The following MAOA variants were observed in gnomAD, a reference collection of about 807,000 sequenced individuals.
MAOA encodes the protein monoamine oxidase A.
Under a neutral mutation model 42.0 loss-of-function variants are expected in MAOA, and 6 were observed. The ratio of observed to expected loss-of-function variants is 0.14; its 90% confidence interval spans 0.08 to 0.28. MAOA has a LOEUF of 0.28. Among genes scored for constraint, MAOA ranks in the 10% least tolerant of loss-of-function variants. The pLI is 1.00. For missense variants in MAOA, 262 were observed against 422.3 expected, an observed-to-expected ratio of 0.62 and a Z score of 3.33; for synonymous variants, 140 against 154.0, an observed-to-expected ratio of 0.91 and a Z score of 0.67.
chrX:43,677,506 T>G (rs2033408368), intron 1 of MAOA, among the ~76,000 whole-genome samples: 2 of 111,656 alleles, frequency 1.8e-5, no homozygotes, highest in Non-Finnish European at 3.8e-5. Flanking sequence ...ACTAGCTTTT[T>G]TTTTTTAACC....
At chrX:43,713,510 G>C (rs903296916) in intron 5 of MAOA, among the ~76,000 whole-genome samples, 3 of 111,775 alleles carry the variant, frequency 2.7e-5, no homozygotes, top group Non-Finnish European at 5.6e-5. Flanking sequence ...TATAGATGTG[G>C]AATACTAGGA....
chrX:43,722,096 G>A (rs1461865570), intron 5 of MAOA, among the ~76,000 whole-genome samples: 1 of 111,683 alleles, frequency 9.0e-6, no homozygotes, highest in Admixed American at 9.5e-5. Flanking sequence ...ATTATTGATG[G>A]GCATTTGGGT....
At chrX:43,693,267 T>C (rs766032364) in intron 2 of MAOA, 24 bp from the exon 3 acceptor site, 1 of 1,207,774 alleles carries the variant, frequency 8.3e-7, no homozygotes, top group Admixed American at 2.2e-5. Flanking sequence ...TAAAGTCCTC[T>C]GACCAATTTT....
Position 43,728,224 on chromosome X carries a change from G to T in MAOA, c.555G>T (p.Glu185Asp). ...TTGTGAATATCAATGTGACCTCTGA[G>T]CCTCACGAAGTGTCTGCCCTGTGGT... ...YLFVNINVTS[E>D]PHEVSALWFL... Residue 185 changes from glutamate to aspartate, a missense_variant, in exon 6 of 15, where the codon GAG (glutamate) becomes GAT (aspartate). Glu to Asp is a conservative substitution (Grantham distance 45, BLOSUM62 2). Transcript: ENST00000338702. 8.3e-7 allele frequency: 1 copy of T among 1,210,039 alleles called. No homozygotes were observed. Among genetic ancestry groups the T allele is most frequent in the African/African-American group, 1.7e-5 (1 of 57,733 alleles).
intron 1 of MAOA, among the ~76,000 whole-genome samples, chrX:43,656,706 TCAAC>T (rs2033182754): frequency 3.6e-5 from 4 of 111,367 alleles, no homozygotes; most frequent in African/African-American, 6.5e-5. Context: ...TTCTCAGTCC[TCAAC>T]AGTCCTGTGA....
intron 5 of MAOA, among the ~76,000 whole-genome samples, chrX:43,714,586 T>C (rs1239101813): frequency 9.2e-6 from 1 of 109,116 alleles, no homozygotes; most frequent in Non-Finnish European, 1.9e-5. Context: ...TACCAGGATA[T>C]GTCTTCCAGA....
Position 43,732,791 on chromosome X carries a change from A to T in MAOA, c.1048A>T (p.Met350Leu). The change falls in exon 9 of 15, where the codon ATG becomes TTG. Residue 350 changes from methionine to leucine, a missense_variant. By Grantham distance (15) the Met-to-Leu change is conservative. Around this residue, in one of 3 missense-constraint regions of MAOA, gnomAD observed 86 missense variants for 190.3 expected, o/e 0.45. Transcript: ENST00000338702. ...TKPDGSLPAI[M>L]GFILARKADR... is the part of the protein sequence containing the mutation. The stretch of plus-strand genomic sequence containing the variant: ...GCCAGATGGGTCACTGCCTGCCATC[A>T]TGGGGTAGGTTAGAGCAGGGTGTTC... 2 of 1,191,466 alleles carry T rather than the reference A, an allele frequency of 1.7e-6. No individual in the cohort carries two copies. Among genetic ancestry groups the T allele is most frequent in the Non-Finnish European group, 2.3e-6 (2 of 877,127 alleles).
intron 12 of MAOA, 117 bp from the exon 13 acceptor site, chrX:43,743,677 T>G (rs761161960): frequency 9.3e-5 from 85 of 918,719 alleles, no homozygotes; most frequent in Non-Finnish European, 1.3e-4. Flanking sequence ...CATACGGGTG[T>G]TTTTTAAACA....
rs2033985945 is a variant in MAOA, at chrX:43,744,594, T to C, written c.*81T>C. 3.8e-6 allele frequency: 4 copies of C among 1,053,475 alleles called. No homozygotes were observed. Among genetic ancestry groups the C allele is most frequent in the East Asian group, 3.0e-5 (1 of 33,058 alleles). The allele number at this position is 1,053,475 out of a possible 1,213,427, so 86.8% of individuals were successfully genotyped here. A position where few individuals can be genotyped will look rare whatever the true frequency, so the allele number is the denominator to read the frequency against. On this transcript the variant is annotated 3_prime_UTR_variant, in exon 15 of 15. Coordinates refer to ENST00000338702, the MANE Select transcript of MAOA (RefSeq NM_000240.4). ...ATTGACAAGTTTAAAGGCTGTGTCATTGGGCCATGTTTAAGTGTACTGGAT... is the reference window on the plus strand; with the variant it reads ...ATTGACAAGTTTAAAGGCTGTGTCACTGGGCCATGTTTAAGTGTACTGGAT...
At chrX:43,699,988 G>A (rs1470822109) in intron 3 of MAOA, among the ~76,000 whole-genome samples, 1 of 112,403 alleles carries the variant, frequency 8.9e-6, no homozygotes, top group Non-Finnish European at 1.9e-5. Flanking sequence ...TTCAAAGAAA[G>A]ATACATTTTC....
At chrX:43,735,795 C>T (rs981022768) in intron 9 of MAOA, among the ~76,000 whole-genome samples, 2 of 112,747 alleles carry the variant, frequency 1.8e-5, no homozygotes, top group Admixed American at 9.4e-5. Flanking sequence ...GTAAGAGTAA[C>T]GAGTGCCTGG....
Position 43,682,966 on chromosome X carries a change from T to G in MAOA, c.74-547T>G, listed in dbSNP as rs139738796. ...TTTGTTTGAGCTAGTGAAAAAAGTA[T>G]GAAGCATGGTTTCTACCTTATGGTA... On this transcript the variant is annotated intron_variant, in intron 1 of 14. Coordinates refer to ENST00000338702, the MANE Select transcript of MAOA (RefSeq NM_000240.4). Among the ~76,000 whole-genome samples, 13 of 112,170 alleles carry G rather than the reference T, an allele frequency of 1.2e-4. No homozygotes were observed. The East Asian group carries it at 3.7e-3, about 32-fold the overall frequency.
Position 43,665,041 on chromosome X carries a change from A to G in MAOA, c.73+8627A>G, listed in dbSNP as rs1344923732. On this transcript the variant is annotated intron_variant, in intron 1 of 14. Coordinates refer to ENST00000338702, the MANE Select transcript of MAOA (RefSeq NM_000240.4). ...CATATCAAAGTTGAAGAAAGATGTC[A>G]CTTTCGGGAATAAAGAGAAAGAACT... is the stretch of plus-strand genomic sequence containing the variant. Among the ~76,000 whole-genome samples the G allele has an allele frequency of 2.7e-5, 3 of 111,688 alleles. No homozygotes were observed. The East Asian group carries it at 8.4e-4, about 31-fold the overall frequency.
chrX:43,670,761 T>C (rs1278494122), intron 1 of MAOA, among the ~76,000 whole-genome samples: 1 of 109,121 alleles, frequency 9.2e-6, no homozygotes, highest in Non-Finnish European at 1.9e-5. Flanking sequence ...TCCATGTCCC[T>C]ACAAAGAACT....
At chrX:43,680,423 G>C (rs1336442059) in intron 1 of MAOA, among the ~76,000 whole-genome samples, 1 of 111,069 alleles carries the variant, frequency 9.0e-6, no homozygotes, top group African/African-American at 3.3e-5. Context: ...CTTACAATTT[G>C]GATTTTGTTC....
intron 4 of MAOA, 59 bp from the exon 5 acceptor site, chrX:43,712,646 T>C: frequency 1.3e-6 from 1 of 776,036 alleles, no homozygotes; most frequent in South Asian, 2.1e-5. Flanking sequence ...CATGAGGGCC[T>C]TCCCGAGAAG....
At chrX:43,717,744 G>A (rs773703497) in intron 5 of MAOA, among the ~76,000 whole-genome samples, 39 of 110,333 alleles carry the variant, frequency 3.5e-4, no homozygotes, top group African/African-American at 1.1e-3. Flanking sequence ...ATGGTTTGGC[G>A]GAATGTTATT....
chrX:43,715,619 G>T lies in MAOA; in HGVS notation c.503+2823G>T, dbSNP rs187190868. 1.6e-3 allele frequency among the ~76,000 whole-genome samples: 178 copies of T among 111,317 alleles called. 1 individual carries two copies. Among genetic ancestry groups the T allele is most frequent in the African/African-American group, 5.8e-3 (176 of 30,597 alleles). On this transcript the variant is annotated intron_variant, in intron 5 of 14. Coordinates refer to ENST00000338702, the MANE Select transcript of MAOA (RefSeq NM_000240.4). ...GTAGGATAGATGATTTGATGGAGTGGTATCTTCCAGGAATGAACCAAAGGG... is the reference window on the plus strand; with the variant it reads ...GTAGGATAGATGATTTGATGGAGTGTTATCTTCCAGGAATGAACCAAAGGG...
intron 5 of MAOA, among the ~76,000 whole-genome samples, chrX:43,715,663 C>G (rs1159722033): frequency 9.1e-6 from 1 of 110,111 alleles, no homozygotes; most frequent in Non-Finnish European, 1.9e-5. Context: ...AAACATGGTA[C>G]ATTGTGTTTA....
Sources: allele counts gnomAD v4.1 joint callset (sites outside exome capture counted in the v4.1 genomes callset), GRCh38; gene constraint gnomAD v4.1.1; regional missense constraint gnomAD v4.1.1; transcripts MANE v1.5; gene names NCBI Gene and HGNC (gene_info 2026-07-23, HGNC 2026-07-21).